LOXL2: variants seen among roughly 807,000 people sequenced by gnomAD.
The protein encoded by LOXL2 is lysyl oxidase homolog 2.
In LOXL2, 70 loss-of-function variants were observed where a neutral mutation model predicts 93.0. The observed-to-expected ratio is 0.75, with a 90% CI of 0.62 to 0.92. LOXL2 has a LOEUF of 0.92. Ranked by LOEUF, LOXL2 falls within the 40% of genes least tolerant of loss-of-function variation. The probability of loss-of-function intolerance (pLI) is 0.00; values close to 1 mark genes in which losing one functional copy is unlikely to be tolerated. For synonymous variants in LOXL2, 438 were observed against 413.2 expected (o/e 1.06, Z -0.73); for missense variants, 973 against 1,054.9 (o/e 0.92, Z 1.08).
At chr8:23,324,731 G>A (rs999989567) in intron 6 of LOXL2, among the ~76,000 whole-genome samples, 6 of 152,186 alleles carry the variant, frequency 3.9e-5, no homozygotes, top group Non-Finnish European at 5.9e-5. Flanking sequence ...GAAAAGCCGC[G>A]TCTAACATCA....
At chr8:23,361,846 A>G (rs1804296239) in intron 2 of LOXL2, among the ~76,000 whole-genome samples, 1 of 102,186 alleles carries the variant, frequency 9.8e-6, no homozygotes, top group Non-Finnish European at 2.1e-5. Context: ...CTCAAAAACA[A>G]AACAAAACAA....
chr8:23,395,147 G>C (rs1800074580), intron 1 of LOXL2, among the ~76,000 whole-genome samples: 2 of 152,104 alleles, frequency 1.3e-5, no homozygotes, highest in African/African-American at 4.8e-5. Context: ...CCAGCTACTT[G>C]GGAGGATGAG....
chr8:23,390,713 T>A (rs1387084621), intron 1 of LOXL2, among the ~76,000 whole-genome samples: 9 of 152,138 alleles, frequency 5.9e-5, no homozygotes, highest in Non-Finnish European at 7.4e-5. Flanking sequence ...CATTAGTCTA[T>A]AAGACACATC....
chr8:23,346,029 C>T (rs1210495229), intron 3 of LOXL2, among the ~76,000 whole-genome samples: 1 of 151,068 alleles, frequency 6.6e-6, no homozygotes, highest in Non-Finnish European at 1.5e-5. Context: ...GACCACACTA[C>T]TGCACTCTAG....
rs527861080 is a variant in LOXL2, at chr8:23,350,907, C to T, written c.531+9183G>A. Among the ~76,000 whole-genome samples the T allele has an allele frequency of 3.3e-5, 5 of 152,280 alleles. No individual in the cohort carries two copies. The South Asian group carries it at 1.0e-3, about 32-fold the overall frequency. ...CTGTCAGCAGGAAGTCGGCGGGACA[C>T]CTGCTCCAACAACCAGCCCCTGTGA... On this transcript the variant is annotated intron_variant, in intron 3 of 13. Coordinates refer to ENST00000389131, the MANE Select transcript of LOXL2 (RefSeq NM_002318.3).
intron 6 of LOXL2, among the ~76,000 whole-genome samples, chr8:23,323,163 G>C (rs1803524006): frequency 6.6e-6 from 1 of 152,204 alleles, no homozygotes; most frequent in South Asian, 2.1e-4. Context: ...TTTATAAAAT[G>C]CATAAAAATG....
At chr8:23,346,633 A>G (rs1429594864) in intron 3 of LOXL2, among the ~76,000 whole-genome samples, 2 of 152,206 alleles carry the variant, frequency 1.3e-5, no homozygotes, top group African/African-American at 4.8e-5. Flanking sequence ...AAAATCACCC[A>G]TTTTGAAAGT....
intron 4 of LOXL2, among the ~76,000 whole-genome samples, chr8:23,335,828 C>A (rs1248243372): frequency 2.0e-5 from 3 of 152,184 alleles, no homozygotes; most frequent in South Asian, 4.1e-4. Context: ...AGAGGAAGGG[C>A]AAATCCTACA....
chr8:23,362,744 C>A lies in LOXL2; in HGVS notation c.356-2479G>T, dbSNP rs188926658. Reference sequence around the variant, plus strand: ...GAGACCCTGTCTCCAGAAAAAAAATCCAAAAAGTTAAGGTGGTAAATTTTA... The same window carrying A: ...GAGACCCTGTCTCCAGAAAAAAAATACAAAAAGTTAAGGTGGTAAATTTTA... On this transcript the variant is annotated intron_variant, in intron 2 of 13. Coordinates refer to ENST00000389131, the MANE Select transcript of LOXL2 (RefSeq NM_002318.3). Among the ~76,000 whole-genome samples the A allele has an allele frequency of 4.6e-5, 7 of 152,094 alleles. No homozygotes were observed. The East Asian group carries it at 1.4e-3, about 29-fold the overall frequency.
chr8:23,326,075 G>C (rs1803572456), intron 6 of LOXL2, among the ~76,000 whole-genome samples: 1 of 152,220 alleles, frequency 6.6e-6, no homozygotes, highest in South Asian at 2.1e-4. Flanking sequence ...TGTGGTCACT[G>C]AGTCCATCAG....
In LOXL2 at chr8:23,391,631, C is replaced by T. The variant is rs2117236375; in HGVS notation, c.-84+12323G>A. Among the ~76,000 whole-genome samples the T allele has an allele frequency of 2.0e-5, 3 of 152,264 alleles. No individual in the cohort carries two copies. In the East Asian group the frequency reaches 5.8e-4, roughly 29 times the overall value. On this transcript the variant is annotated intron_variant, in intron 1 of 13. Coordinates refer to ENST00000389131, the MANE Select transcript of LOXL2 (RefSeq NM_002318.3). ...ACTTTCAAGGCGATATTGAAGTCCA[C>T]AAAAGGCAGGCAAGGGGAAGGTGAA...
At chr8:23,398,736 T>C (rs962670222) in intron 1 of LOXL2, among the ~76,000 whole-genome samples, 1 of 152,206 alleles carries the variant, frequency 6.6e-6, no homozygotes, top group Non-Finnish European at 1.5e-5. Context: ...TGGAATGCAC[T>C]ATAGCCTTGA....
chr8:23,399,423 G>A (rs1056543263), intron 1 of LOXL2, among the ~76,000 whole-genome samples: 3 of 152,200 alleles, frequency 2.0e-5, no homozygotes, highest in Non-Finnish European at 4.4e-5. Flanking sequence ...TGAATCATGA[G>A]TGCTCTGCCC....
chr8:23,349,239 C>T (rs4422778), intron 3 of LOXL2, among the ~76,000 whole-genome samples: 27,726 of 152,098 alleles, frequency 0.18, 2,770 homozygotes, highest in Middle Eastern at 0.27. Flanking sequence ...GCTGTCTCCT[C>T]GCCTCTGGTT....
At chr8:23,385,490 C>T (rs941757345) in intron 1 of LOXL2, among the ~76,000 whole-genome samples, 3 of 150,988 alleles carry the variant, frequency 2.0e-5, no homozygotes, top group Admixed American at 2.0e-4. Context: ...GAACTCCTGA[C>T]CTTAAGTGAT....
At chr8:23,397,948 A>G in intron 1 of LOXL2, among the ~76,000 whole-genome samples, 1 of 138,362 alleles carries the variant, frequency 7.2e-6, no homozygotes, top group Non-Finnish European at 1.5e-5. Context: ...GTGACAGAGT[A>G]AGACTCTGTC....
chr8:23,317,010 C>T lies in LOXL2; in HGVS notation c.1575G>A (p.Gly525=), dbSNP rs1803413682. The change falls in exon 9 of 14, where the codon GGG becomes GGA. Residue 525 remains glycine, a synonymous_variant. Transcript: ENST00000389131. ...CGCCCTGGGGGCAGGCCACGTCCTC[C>T]CCGTCGTGGCGGCAGTGCGCCAGGG... ...ELSLAHCRHD[G]EDVACPQGGV... The T allele has an allele frequency of 3.7e-6, 6 of 1,614,068 alleles. No homozygotes were observed. The highest frequency in any genetic ancestry group is 5.1e-6 in the Non-Finnish European group (6 of 1,180,018).
At chr8:23,380,255 T>C (rs1382606162) in intron 1 of LOXL2, among the ~76,000 whole-genome samples, 1 of 152,094 alleles carries the variant, frequency 6.6e-6, no homozygotes, top group African/African-American at 2.4e-5. Flanking sequence ...TAGCTGGGCA[T>C]GGTGGCGTGT....
chr8:23,301,960 A>G, intron 12 of LOXL2, 67 bp downstream of exon 12: 3 of 1,591,420 alleles, frequency 1.9e-6, no homozygotes, highest in South Asian at 2.2e-5. Flanking sequence ...ACCAATGGGA[A>G]GGAGCCTGTG....
Sources: gnomAD v4.1 joint callset for allele counts (sites outside exome capture counted in the v4.1 genomes callset) on GRCh38, gnomAD v4.1.1 for gene constraint, MANE v1.5 for transcripts, NCBI Gene and HGNC (gene_info 2026-07-23, HGNC 2026-07-21) for gene names.